AGMO: variants seen among roughly 807,000 people sequenced by gnomAD.
AGMO encodes alkylglycerol monooxygenase, also known as glyceryl-ether monooxygenase.
In AGMO, 75 loss-of-function variants were observed where a neutral mutation model predicts 60.2. The observed-to-expected ratio is 1.25, with a 90% CI of 1.03 to 1.51. AGMO has a LOEUF of 1.51. Ranked by LOEUF, AGMO falls within the 40% of genes most tolerant of loss-of-function variation. AGMO has a pLI of 0.00. For synonymous variants in AGMO, 261 were observed against 177.1 expected, an observed-to-expected ratio of 1.47 and a Z score of -3.76; for missense variants, 763 against 525.5, an observed-to-expected ratio of 1.45 and a Z score of -4.42.
intron 12 of AGMO, among the ~76,000 whole-genome samples, chr7:15,261,239 A>C (rs545840183): frequency 1.6e-3 from 251 of 152,226 alleles, no homozygotes; most frequent in African/African-American, 5.8e-3. Context: ...GAAAAGATAA[A>C]TGCAGTTGAT....
chr7:15,386,552 T>G (rs1783922431), intron 9 of AGMO, among the ~76,000 whole-genome samples: 1 of 152,194 alleles, frequency 6.6e-6, no homozygotes. Flanking sequence ...TAAACGGAAG[T>G]GGGAAACTTA....
downstream of AGMO, among the ~76,000 whole-genome samples, chr7:15,199,471 C>A (rs1341124050): frequency 6.6e-6 from 1 of 152,114 alleles, no homozygotes; most frequent in Non-Finnish European, 1.5e-5. Context: ...AAAGCATATA[C>A]ACATATTTAT....
chr7:15,296,302 C>T (rs1784403198), intron 12 of AGMO, among the ~76,000 whole-genome samples: 1 of 152,110 alleles, frequency 6.6e-6, no homozygotes, highest in Non-Finnish European at 1.5e-5. Context: ...CCTACAAGCC[C>T]TAAGTTTATC....
chr7:15,357,060 G>A (rs1431763072), intron 12 of AGMO, among the ~76,000 whole-genome samples: 3 of 151,290 alleles, frequency 2.0e-5, no homozygotes, highest in African/African-American at 4.9e-5. Context: ...GGAGGCGGAG[G>A]ATGCAGTGAG....
At chr7:15,447,631 A>G (rs991506830) in intron 3 of AGMO, among the ~76,000 whole-genome samples, 3 of 151,846 alleles carry the variant, frequency 2.0e-5, no homozygotes, top group Non-Finnish European at 4.4e-5. Context: ...GCTCACTGCA[A>G]CCTCCACCTC....
intron 3 of AGMO, among the ~76,000 whole-genome samples, chr7:15,459,301 T>A (rs116662473): frequency 1.3e-5 from 2 of 152,140 alleles, no homozygotes; most frequent in Admixed American, 6.6e-5. Context: ...ATAGTCAGTT[T>A]AAAAGGGTTC....
intron 5 of AGMO, among the ~76,000 whole-genome samples, chr7:15,395,809 T>A (rs575399196): frequency 6.6e-6 from 1 of 152,356 alleles, no homozygotes; most frequent in African/African-American, 2.4e-5. Context: ...ATATCTCTAA[T>A]ACAAAACTCT....
chr7:15,199,369 C>A (rs1269735483), downstream of AGMO, among the ~76,000 whole-genome samples: 1 of 152,178 alleles, frequency 6.6e-6, no homozygotes, highest in East Asian at 1.9e-4. Context: ...AACTTCACCA[C>A]AAAAGGATCT....
At chr7:15,173,372 A>G in the AGMO span, among the ~76,000 whole-genome samples, 1 of 152,168 alleles carries the variant, frequency 6.6e-6, no homozygotes, top group Non-Finnish European at 1.5e-5. Flanking sequence ...ATAAAATGTC[A>G]TTTACTTTTA....
chr7:15,365,380 T>TGAAAAAAAAAAAAAAA (rs1311387207), intron 12 of AGMO, 134 bp downstream of exon 12: 1 of 210,468 alleles, frequency 4.8e-6, no homozygotes, highest in African/African-American at 5.9e-5. Flanking sequence ...TACTGGTAAG[T>TGAAAAAAAAAAAAAAA]AAAAAAAAAA....
At chr7:15,543,811 G>A (rs1784695246) in intron 3 of AGMO, among the ~76,000 whole-genome samples, 1 of 151,462 alleles carries the variant, frequency 6.6e-6, no homozygotes, top group Non-Finnish European at 1.5e-5. Flanking sequence ...ACTACTGTTT[G>A]ATCTGGCAAT....
chr7:15,470,274 G>A (rs1383371892), intron 3 of AGMO, among the ~76,000 whole-genome samples: 1 of 151,964 alleles, frequency 6.6e-6, no homozygotes, highest in Non-Finnish European at 1.5e-5. Context: ...CTGGTACACT[G>A]CTGGAAACAA....
intron 3 of AGMO, among the ~76,000 whole-genome samples, chr7:15,507,743 C>A (rs1219020847): frequency 6.6e-6 from 1 of 151,942 alleles, no homozygotes; most frequent in Non-Finnish European, 1.5e-5. Flanking sequence ...AACATTTTTA[C>A]AGATCAGTCA....
At chr7:15,416,180 C>T (rs1403745686) in intron 5 of AGMO, among the ~76,000 whole-genome samples, 4 of 151,734 alleles carry the variant, frequency 2.6e-5, no homozygotes, top group East Asian at 3.9e-4. Context: ...ACTACAGGCA[C>T]GCACCACCAC....
chr7:15,205,063 G>C (rs1423343112), intron 12 of AGMO, among the ~76,000 whole-genome samples: 1 of 152,128 alleles, frequency 6.6e-6, no homozygotes, highest in Non-Finnish European at 1.5e-5. Context: ...AATCTTAAAG[G>C]AGAGAGAATA....
chr7:15,501,055 TATG>T, intron 3 of AGMO, among the ~76,000 whole-genome samples: 1 of 152,174 alleles, frequency 6.6e-6, no homozygotes, highest in South Asian at 2.1e-4. Context: ...TTGTGGTTGG[TATG>T]ATTTTATTCT....
At chr7:15,551,699 C>G (rs1447699445) in intron 2 of AGMO, among the ~76,000 whole-genome samples, 4 of 151,148 alleles carry the variant, frequency 2.6e-5, no homozygotes, top group Non-Finnish European at 5.9e-5. Flanking sequence ...ACATTCCATG[C>G]TCATGGGTAG....
intron 12 of AGMO, among the ~76,000 whole-genome samples, chr7:15,340,299 T>C (rs1312129593): frequency 2.0e-5 from 3 of 152,210 alleles, no homozygotes; most frequent in Non-Finnish European, 2.9e-5. Flanking sequence ...CTAGTTGTGG[T>C]ATCATATCAG....
chr7:15,238,221 C>T (rs1485710324), intron 12 of AGMO, among the ~76,000 whole-genome samples: 2 of 151,822 alleles, frequency 1.3e-5, no homozygotes, highest in Non-Finnish European at 2.9e-5. Context: ...GGCAATTTTT[C>T]TTTTTCAATA....
Sources: allele counts gnomAD v4.1 joint callset (sites outside exome capture counted in the v4.1 genomes callset), GRCh38; gene constraint gnomAD v4.1.1; transcripts MANE v1.5; gene names NCBI Gene and HGNC (gene_info 2026-07-23, HGNC 2026-07-21).